The following DCC variants were observed in gnomAD, a reference collection of about 807,000 sequenced individuals.
DCC encodes netrin receptor DCC.
A neutral mutation model predicts 172.5 loss-of-function variants in DCC; 58 were observed. That is an observed-to-expected ratio of 0.34 (90% CI 0.27 to 0.42). The LOEUF (loss-of-function observed/expected upper bound fraction) is 0.42. DCC is among the 10% of genes least tolerant of loss of function. DCC has a pLI of 1.00. For synonymous variants in DCC, 709 were observed against 644.5 expected (o/e 1.10, Z -1.52); for missense variants, 1,740 against 1,791.0 (o/e 0.97, Z 0.51).
At chr18:53,493,460 G>A (rs190047844) in intron 26 of DCC, among the ~76,000 whole-genome samples, 2 of 152,134 alleles carry the variant, frequency 1.3e-5, no homozygotes, top group South Asian at 2.1e-4. Flanking sequence ...ATTGGCTGTG[G>A]GTTTGTTGTA....
At chr18:53,083,734 A>G in intron 7 of DCC, among the ~76,000 whole-genome samples, 1 of 152,160 alleles carries the variant, frequency 6.6e-6, no homozygotes, top group Admixed American at 6.5e-5. Flanking sequence ...TAGAGACCTG[A>G]TTAAAATTTG....
intron 27 of DCC, among the ~76,000 whole-genome samples, chr18:53,518,386 G>A (rs753360103): frequency 3.9e-5 from 6 of 152,060 alleles, no homozygotes; most frequent in South Asian, 2.1e-4. Flanking sequence ...AGAGCATTCC[G>A]GCTGCAGCCT....
At chr18:52,431,383 C>T (rs1004585885) in intron 1 of DCC, among the ~76,000 whole-genome samples, 1 of 152,004 alleles carries the variant, frequency 6.6e-6, no homozygotes. Context: ...AGTGAATGAA[C>T]ATTCCTTGGG....
intron 1 of DCC, among the ~76,000 whole-genome samples, chr18:52,439,133 C>A: frequency 6.7e-6 from 1 of 149,756 alleles, no homozygotes. Context: ...AGGAAAAAAG[C>A]ATGGTAAACA....
At chr18:52,428,206 T>G (rs1428073602) in intron 1 of DCC, among the ~76,000 whole-genome samples, 2 of 152,082 alleles carry the variant, frequency 1.3e-5, no homozygotes, top group African/African-American at 2.4e-5. Flanking sequence ...TCTGATTTCT[T>G]TCCCTGAGAA....
chr18:52,824,967 C>CATATATATATATATAT (rs148347043), intron 2 of DCC, among the ~76,000 whole-genome samples: 3,186 of 148,100 alleles, frequency 0.022, 52 homozygotes, highest in South Asian at 0.062. Context: ...GAGACTCCCT[C>CATATATATATATATAT]ATATATATAT....
At chr18:52,488,856 A>T (rs1201289578) in intron 1 of DCC, among the ~76,000 whole-genome samples, 1 of 152,140 alleles carries the variant, frequency 6.6e-6, no homozygotes, top group Admixed American at 6.6e-5. Flanking sequence ...AATATCCACC[A>T]TAAATTTGAT....
intron 7 of DCC, among the ~76,000 whole-genome samples, chr18:53,141,032 C>G (rs1185859503): frequency 6.6e-6 from 1 of 152,120 alleles, no homozygotes; most frequent in East Asian, 1.9e-4. Context: ...TTTCAGTACA[C>G]ATCCCTAAAT....
intron 2 of DCC, among the ~76,000 whole-genome samples, chr18:52,774,509 G>A (rs1291816353): frequency 6.6e-6 from 1 of 152,214 alleles, no homozygotes; most frequent in African/African-American, 2.4e-5. Flanking sequence ...TTACTCCCAA[G>A]GTAAAAGAAG....
chr18:52,390,062 T>C (rs1452181252), intron 1 of DCC, among the ~76,000 whole-genome samples: 3 of 151,804 alleles, frequency 2.0e-5, no homozygotes, highest in African/African-American at 7.3e-5. Flanking sequence ...GGGGAGAGGA[T>C]GTTTCTTCCC....
intron 1 of DCC, among the ~76,000 whole-genome samples, chr18:52,673,900 T>C (rs1341397886): frequency 6.6e-6 from 1 of 152,184 alleles, no homozygotes; most frequent in Non-Finnish European, 1.5e-5. Context: ...TAGTGGGTTC[T>C]GGACTACATG....
intron 1 of DCC, among the ~76,000 whole-genome samples, chr18:52,342,961 C>A (rs1462726166): frequency 6.6e-6 from 1 of 152,298 alleles, no homozygotes; most frequent in African/African-American, 2.4e-5. Flanking sequence ...ACAGACAGAT[C>A]TATGCTTGAA....
intron 21 of DCC, among the ~76,000 whole-genome samples, chr18:53,426,341 A>G (rs1599135246): frequency 6.9e-6 from 1 of 144,550 alleles, no homozygotes; most frequent in Non-Finnish European, 1.5e-5. Context: ...TATGATATAT[A>G]TTTATAATAT....
At position 53,535,163 on chromosome 18, in the gene DCC, C is replaced by T. The variant is rs1369093002; in HGVS notation, c.*4510C>T. ...TCAGCTTGTTTGGGGGAAGGGTGGG[C>T]GGGTATGGGGTGTACTTTTTATAAG... On this transcript the variant is annotated 3_prime_UTR_variant, in exon 29 of 29. Coordinates refer to ENST00000442544, the MANE Select transcript of DCC (RefSeq NM_005215.4). 2.0e-4 allele frequency: 9 copies of T among 43,994 alleles called. No individual in the cohort carries two copies. Among genetic ancestry groups the T allele is most frequent in the Admixed American group, 1.4e-3 (6 of 4,204 alleles). 2.7% of individuals were successfully genotyped at this position (43,994 alleles called of 1,614,324 possible).
intron 7 of DCC, among the ~76,000 whole-genome samples, chr18:53,136,220 TACAC>T (rs752342385): frequency 2.7e-5 from 4 of 150,906 alleles, no homozygotes; most frequent in African/African-American, 9.8e-5. Context: ...TATATATATA[TACAC>T]ACACACACAC....
At chr18:52,678,407 C>G (rs2035683905) in intron 1 of DCC, among the ~76,000 whole-genome samples, 1 of 152,060 alleles carries the variant, frequency 6.6e-6, no homozygotes, top group Non-Finnish European at 1.5e-5. Context: ...TGCGTTCATT[C>G]ATTTTGCCAT....
chr18:53,372,274 T>C lies in DCC; in HGVS notation c.2360-13769T>C, dbSNP rs202094539. Among the ~76,000 whole-genome samples, 3 of 152,082 alleles carry C rather than the reference T, an allele frequency of 2.0e-5. No individual in the cohort carries two copies. The East Asian group carries it at 5.8e-4, about 29-fold the overall frequency. ...AATGTGGTACATATACATCGTGGAA[T>C]ACTATGCAGCCATAAAAAAGAATGA... On this transcript the variant is annotated intron_variant, in intron 15 of 28. Coordinates refer to ENST00000442544, the MANE Select transcript of DCC (RefSeq NM_005215.4).
chr18:53,357,454 C>T (rs1395144598), intron 15 of DCC, among the ~76,000 whole-genome samples: 1 of 152,040 alleles, frequency 6.6e-6, no homozygotes, highest in Non-Finnish European at 1.5e-5. Context: ...TTATGAAATG[C>T]AAACATTTAA....
chr18:52,991,255 TA>T (rs113236349), intron 5 of DCC, among the ~76,000 whole-genome samples: 2 of 152,114 alleles, frequency 1.3e-5, no homozygotes, highest in East Asian at 3.9e-4. Context: ...CTAATTTTTT[TA>T]AATTTATCTT....
Sources: gnomAD v4.1 joint callset for allele counts (sites outside exome capture counted in the v4.1 genomes callset) on GRCh38, gnomAD v4.1.1 for gene constraint, MANE v1.5 for transcripts, NCBI Gene and HGNC (gene_info 2026-07-23, HGNC 2026-07-21) for gene names.